ANO3: variants seen among roughly 807,000 people sequenced by gnomAD.
The protein encoded by ANO3 is anoctamin 3.
Under a neutral mutation model 144.8 loss-of-function variants are expected in ANO3, and 99 were observed. That is an observed-to-expected ratio of 0.68 (90% CI 0.58 to 0.81). The LOEUF (loss-of-function observed/expected upper bound fraction) is 0.81. Among genes scored for constraint, ANO3 ranks in the 30% least tolerant of loss-of-function variants. ANO3 has a pLI of 0.00. For synonymous variants in ANO3, 414 were observed against 392.6 expected (o/e 1.05, Z -0.64); for missense variants, 905 against 1,202.2 (o/e 0.75, Z 3.66).
chr11:26,538,288 A>T (rs1018032), intron 10 of ANO3, among the ~76,000 whole-genome samples: 108,167 of 152,050 alleles, frequency 0.71, 38,775 homozygotes, highest in East Asian at 0.84. Flanking sequence ...GAAAGGTTAG[A>T]TATCAAAGGC....
chr11:26,237,524 A>G (rs1852561236), intron 1 of ANO3, among the ~76,000 whole-genome samples: 1 of 151,782 alleles, frequency 6.6e-6, no homozygotes. Flanking sequence ...ACTGACAGTC[A>G]TCATAACACA....
intron 1 of ANO3, among the ~76,000 whole-genome samples, chr11:26,310,016 T>A (rs2133869839): frequency 6.6e-6 from 1 of 152,290 alleles, no homozygotes; most frequent in South Asian, 2.1e-4. Flanking sequence ...CCTTCCAAAA[T>A]AACTGTGCAA....
At position 26,300,183 on chromosome 11, in the gene ANO3, G is replaced by A. The variant is rs975768609; in HGVS notation, c.155-9462G>A. Among the ~76,000 whole-genome samples, 13 of 151,834 alleles carry A rather than the reference G, an allele frequency of 8.6e-5. No individual in the cohort carries two copies. In the East Asian group the frequency reaches 1.4e-3, roughly 16 times the overall value. ...ATAGGTATGAGTATGGAGGAAGTGC[G>A]ATGCCCATGCAAGCACGCACGCACA... On this transcript the variant is annotated intron_variant, in intron 1 of 27. Transcript: ENST00000672621.
intron 14 of ANO3, among the ~76,000 whole-genome samples, chr11:26,561,848 C>T (rs865940579): frequency 1.3e-5 from 2 of 151,926 alleles, no homozygotes; most frequent in African/African-American, 4.8e-5. Context: ...CAAAGCAAAA[C>T]TGGACATGCT....
intron 14 of ANO3, among the ~76,000 whole-genome samples, chr11:26,562,712 C>A (rs1278341283): frequency 6.6e-6 from 1 of 151,732 alleles, no homozygotes; most frequent in African/African-American, 2.4e-5. Flanking sequence ...TAAAAGAGCT[C>A]CAAATTAGAA....
rs149484996 is a variant in ANO3, at chr11:26,591,288, G to A, written c.1448-7077G>A. Among the ~76,000 whole-genome samples, 49 of 152,252 alleles carry A rather than the reference G, an allele frequency of 3.2e-4. 1 individual carries two copies. In the East Asian group the frequency reaches 9.3e-3, roughly 29 times the overall value. ...CTCTTAACTGCTTCCTGCTGAATTG[G>A]GGCGTAGTAGGGGTCGTGCAGTTGA... is the stretch of plus-strand genomic sequence containing the variant. On this transcript the variant is annotated intron_variant, in intron 14 of 26. Transcript: ENST00000256737.
intron 3 of ANO3, among the ~76,000 whole-genome samples, chr11:26,450,361 T>A (rs1038758497): frequency 6.6e-6 from 1 of 152,124 alleles, no homozygotes; most frequent in African/African-American, 2.4e-5. Context: ...CACAGCTCTG[T>A]CAGTACCCTC....
intron 5 of ANO3, among the ~76,000 whole-genome samples, chr11:26,510,004 C>G (rs910909700): frequency 6.6e-6 from 1 of 151,660 alleles, no homozygotes; most frequent in African/African-American, 2.4e-5. Context: ...CGTGGTGGCG[C>G]GTTCCTGTAG....
chr11:26,567,633 T>C lies in ANO3; in HGVS notation c.1447+7854T>C, dbSNP rs778368705. 2.0e-4 allele frequency among the ~76,000 whole-genome samples: 31 copies of C among 151,998 alleles called. 2 individuals carry two copies. Among genetic ancestry groups the C allele is most frequent in the Non-Finnish European group, 5.9e-5 (4 of 67,942 alleles). On this transcript the variant is annotated intron_variant, in intron 14 of 26. Transcript: ENST00000256737. ...CTTTTAGCAAGCAATTGCATAATCATATACTTCTAGAATTTTAGACATATT... is the reference window on the plus strand; with the variant it reads ...CTTTTAGCAAGCAATTGCATAATCACATACTTCTAGAATTTTAGACATATT...
intron 18 of ANO3, among the ~76,000 whole-genome samples, chr11:26,627,419 A>G (rs1020783129): frequency 2.0e-5 from 3 of 151,504 alleles, no homozygotes; most frequent in Admixed American, 6.6e-5. Flanking sequence ...CTATTTCACC[A>G]TTGTTGTAGA....
Position 26,339,316 on chromosome 11 carries a change from G to A in ANO3, c.46+6995G>A, listed in dbSNP as rs139411774. Among the ~76,000 whole-genome samples the A allele has an allele frequency of 4.6e-5, 7 of 151,978 alleles. 1 individual carries two copies. Among genetic ancestry groups the A allele is most frequent in the African/African-American group, 1.7e-4 (7 of 41,446 alleles). ...ATTACAGGCCCCCGCCACCATGCCCGCATAATTTTTGTATTTTTAGTAGAG... is the reference window on the plus strand; with the variant it reads ...ATTACAGGCCCCCGCCACCATGCCCACATAATTTTTGTATTTTTAGTAGAG... On this transcript the variant is annotated intron_variant, in intron 1 of 26. Transcript: ENST00000256737.
chr11:26,500,322 T>A (rs1861142320), intron 4 of ANO3, among the ~76,000 whole-genome samples: 1 of 152,084 alleles, frequency 6.6e-6, no homozygotes, highest in African/African-American at 2.4e-5. Context: ...GATATATACC[T>A]AGGAGTGAAA....
intron 17 of ANO3, among the ~76,000 whole-genome samples, chr11:26,622,469 A>G (rs10742151): frequency 0.7 from 104,505 of 150,100 alleles, 37,596 homozygotes; most frequent in East Asian, 0.84. Flanking sequence ...CAGGCATCAT[A>G]GTGGTGTGTA....
intron 1 of ANO3, among the ~76,000 whole-genome samples, chr11:26,295,389 G>A (rs1643510412): frequency 6.6e-6 from 1 of 151,232 alleles, no homozygotes; most frequent in Non-Finnish European, 1.5e-5. Context: ...GCCGGGCTTA[G>A]TGGCGGGCGC....
chr11:26,421,707 A>G (rs535469524), intron 1 of ANO3, among the ~76,000 whole-genome samples: 98 of 152,206 alleles, frequency 6.4e-4, no homozygotes, highest in African/African-American at 2.3e-3. Context: ...ACATAGAATC[A>G]GTGATAGACT....
chr11:26,489,442 G>A (rs1860613039), intron 4 of ANO3, among the ~76,000 whole-genome samples: 1 of 152,206 alleles, frequency 6.6e-6, no homozygotes, highest in South Asian at 2.1e-4. Flanking sequence ...AGGGAAATGT[G>A]GGGTTGGAGC....
chr11:26,523,957 G>A (rs1849092259), intron 6 of ANO3, among the ~76,000 whole-genome samples: 1 of 151,914 alleles, frequency 6.6e-6, no homozygotes. Flanking sequence ...ATTTGATGCT[G>A]GAAATTATTT....
chr11:26,356,178 T>G (rs775278778), intron 1 of ANO3, among the ~76,000 whole-genome samples: 1 of 152,146 alleles, frequency 6.6e-6, no homozygotes, highest in Non-Finnish European at 1.5e-5. Context: ...TATATATGTA[T>G]CTACACACAT....
At chr11:26,588,334 A>AC (rs11426751) in intron 14 of ANO3, among the ~76,000 whole-genome samples, 132,885 of 152,098 alleles carry the variant, frequency 0.87, 58,384 homozygotes, top group East Asian at 0.96. Flanking sequence ...TTTTCTGTAT[A>AC]CCTTTTTCTA....
Sources: gnomAD v4.1 joint callset for allele counts (sites outside exome capture counted in the v4.1 genomes callset) on GRCh38, gnomAD v4.1.1 for gene constraint, MANE v1.5 for transcripts, NCBI Gene and HGNC (gene_info 2026-07-23, HGNC 2026-07-21) for gene names.